The following IL32 variants were observed in gnomAD, a reference collection of about 807,000 sequenced individuals.
IL32 encodes interleukin 32, also known as interleukin-32.
In IL32, 30 loss-of-function variants were observed where a neutral mutation model predicts 16.6. The ratio of observed to expected loss-of-function variants is 1.81; its 90% confidence interval spans 1.35 to 2.45. The LOEUF is 2.45. Ranked by LOEUF, IL32 falls within the 30% of genes most tolerant of loss-of-function variation. The pLI, the probability that IL32 is intolerant of heterozygous loss-of-function variation, is 0.00. For synonymous variants in IL32, 70 were observed against 86.1 expected, an observed-to-expected ratio of 0.81 and a Z score of 1.03; for missense variants, 234 against 229.8, an observed-to-expected ratio of 1.02 and a Z score of -0.12.
rs1477821193 is a variant in IL32, at chr16:3,069,271, C to T, written c.483C>T (p.Ser161=). 1 of 1,614,238 alleles carries T rather than the reference C, an allele frequency of 6.2e-7. No individual in the cohort carries two copies. The highest frequency in any genetic ancestry group is 8.5e-7 in the Non-Finnish European group (1 of 1,180,048). ...GCTCTCTGTCAGAGCTCTTCATGTCCTCTTTCCAGTCCTACGGAGCCCCAC... is the reference window on the plus strand; with the variant it reads ...GCTCTCTGTCAGAGCTCTTCATGTCTTCTTTCCAGTCCTACGGAGCCCCAC... ...FCCSLSELFM[S]SFQSYGAPRG... is the part of the protein sequence containing the mutation. The change falls in exon 7 of 7, where the codon TCC becomes TCT. Residue 161 remains serine (S), a synonymous_variant. Coordinates refer to ENST00000525643, the MANE Select transcript of IL32 (RefSeq NM_001376923.1).
In IL32 at chr16:3,067,434, T is replaced by C. The variant is rs936563185; in HGVS notation, c.54+19T>C. On this transcript the variant is annotated intron_variant, in intron 3 of 6. Coordinates refer to ENST00000525643, the MANE Select transcript of IL32 (RefSeq NM_001376923.1). Reference sequence around the variant, plus strand: ...CCGAATGGTAATGCTCCTCCCTACTTCTGCTCAGGGGTTGGGGGCCTGGGT... The same window carrying C: ...CCGAATGGTAATGCTCCTCCCTACTCCTGCTCAGGGGTTGGGGGCCTGGGT... 23 of 1,605,384 alleles carry C rather than the reference T, an allele frequency of 1.4e-5. No individual in the cohort carries two copies. Among genetic ancestry groups the C allele is most frequent in the Non-Finnish European group, 2.0e-5 (23 of 1,175,294 alleles).
intron 2 of IL32, among the ~76,000 whole-genome samples, chr16:3,066,138 A>G (rs1449458341): frequency 2.0e-5 from 3 of 152,252 alleles, no homozygotes; most frequent in East Asian, 3.9e-4. Context: ...CTTCTCTCAG[A>G]GGCCGGCTCA....
chr16:3,068,052 T>C, intron 5 of IL32, 42 bp downstream of exon 5: 1 of 1,612,830 alleles, frequency 6.2e-7, no homozygotes, highest in Non-Finnish European at 8.5e-7. Context: ...AGTCCCTGGG[T>C]CTTAGGCTCC....
At chr16:3,068,074 G>A in intron 5 of IL32, 64 bp downstream of exon 5, 2 of 1,609,462 alleles carry the variant, frequency 1.2e-6, no homozygotes, top group Admixed American at 1.7e-5. Context: ...CAGGACACTG[G>A]GTCTGGGCCC....
At chr16:3,065,596 C>G, upstream of IL32, 1 of 657,468 alleles carries the variant, frequency 1.5e-6, no homozygotes, top group Non-Finnish European at 2.7e-6. Context: ...CCGCCCACTA[C>G]CCCCCACTTT....
upstream of IL32, chr16:3,065,522 T>G (rs1253391815): frequency 7.3e-6 from 4 of 550,598 alleles, no homozygotes; most frequent in Non-Finnish European, 1.3e-5. Flanking sequence ...TCTGTCTCTG[T>G]CTCTGTCTCT....
chr16:3,068,506 T>C, intron 6 of IL32: 1 of 483,010 alleles, frequency 2.1e-6, no homozygotes, highest in Non-Finnish European at 3.8e-6. Context: ...AGAGACCAGG[T>C]TTCACCATGT....
At position 3,067,364 on chromosome 16, in the gene IL32, G is replaced by A. The variant is rs377020176; in HGVS notation, c.16-13G>A. The A allele has an allele frequency of 8.1e-5, 122 of 1,505,612 alleles. No individual in the cohort carries two copies. The highest frequency in any genetic ancestry group is 5.3e-4 in the Middle Eastern group (3 of 5,616). The allele number at this position is 1,505,612 out of a possible 1,614,324, so 93.3% of individuals were successfully genotyped here. ...TGACACATGGAGACTGAGTGTCACC[G>A]TTATTTCCGCAGGTCCTCTCTGATG... On this transcript the variant is annotated splice_polypyrimidine_tract_variant and intron_variant, in intron 2 of 6. Coordinates refer to ENST00000525643, the MANE Select transcript of IL32 (RefSeq NM_001376923.1).
upstream of IL32, chr16:3,065,494 G>A (rs1352445986): frequency 2.0e-6 from 1 of 496,602 alleles, no homozygotes; most frequent in Non-Finnish European, 3.7e-6. Flanking sequence ...GTCTCTCTCG[G>A]GTAAGTCTCC....
intron 2 of IL32, among the ~76,000 whole-genome samples, chr16:3,066,958 G>A (rs1956387031): frequency 1.6e-5 from 2 of 125,382 alleles, no homozygotes; most frequent in Non-Finnish European, 3.4e-5. Flanking sequence ...CTAGGCCCAC[G>A]CAGGCCCTGC....
rs373456514 is a variant in IL32, at chr16:3,067,372, C to T, written c.16-5C>T. ...GGAGACTGAGTGTCACCGTTATTTCCGCAGGTCCTCTCTGATGACATGAAG... is the reference window on the plus strand; with the variant it reads ...GGAGACTGAGTGTCACCGTTATTTCTGCAGGTCCTCTCTGATGACATGAAG... On this transcript the variant is annotated splice_region_variant and splice_polypyrimidine_tract_variant and intron_variant, in intron 2 of 6. Transcript: ENST00000525643. The T allele has an allele frequency of 7.1e-5, 109 of 1,525,440 alleles. No individual in the cohort carries two copies. Among genetic ancestry groups the T allele is most frequent in the Non-Finnish European group, 8.7e-5 (99 of 1,133,610 alleles). 94.5% of individuals were successfully genotyped at this position (1,525,440 alleles called of 1,614,324 possible).
In IL32 at chr16:3,069,475, C is replaced by A. The variant is rs551467687; in HGVS notation, c.*120C>A. On this transcript the variant is annotated 3_prime_UTR_variant, in exon 7 of 7. Transcript: ENST00000525643. ...GTCCCCCTGCCTGGCGTTCCTGCCG[C>A]AGCTCTGACCTGGTGCTGTCGCCCT... is the stretch of plus-strand genomic sequence containing the variant. The A allele has an allele frequency of 6.6e-6, 8 of 1,211,854 alleles. No homozygotes were observed. Among genetic ancestry groups the A allele is most frequent in the Non-Finnish European group, 9.2e-6 (8 of 865,656 alleles). 75.1% of individuals were successfully genotyped at this position (1,211,854 alleles called of 1,614,324 possible). A position where few individuals can be genotyped will look rare whatever the true frequency, so the allele number is the denominator to read the frequency against.
At chr16:3,068,565 C>A (rs534731542) in intron 6 of IL32, 5 of 418,688 alleles carry the variant, frequency 1.2e-5, no homozygotes, top group Non-Finnish European at 2.2e-5. Flanking sequence ...TCTGCCTTGG[C>A]CTCCCAAAGT....
intron 4 of IL32, 35 bp downstream of exon 4, chr16:3,067,648 G>T: frequency 6.7e-7 from 1 of 1,486,940 alleles, no homozygotes. Flanking sequence ...CAGGTCACAT[G>T]TCCCCGCCCC....
chr16:3,067,401 C>A lies in IL32; in HGVS notation c.40C>A (p.Leu14Met). The A allele has an allele frequency of 6.4e-7, 1 of 1,564,686 alleles. No individual in the cohort carries two copies. Among genetic ancestry groups the A allele is most frequent in the South Asian group, 1.2e-5 (1 of 84,354 alleles). ...GGTCCTCTCTGATGACATGAAGAAG[C>A]TGAAGGCCCGAATGGTAATGCTCCT... ...PKVLSDDMKKLKARMHQAIER... is the reference protein window; with the variant it reads ...PKVLSDDMKKMKARMHQAIER... Residue 14 changes from leucine (L) to methionine (M), a missense_variant, in exon 3 of 7, where the codon CTG becomes ATG. Transcript: ENST00000525643.
In IL32 at chr16:3,069,504, A is replaced by T. The variant is rs1032687170; in HGVS notation, c.*149A>T. ...TCTGACCTGGTGCTGTCGCCCTGGC[A>T]TCTTAATAAAACCTGCTTATACTTC... On this transcript the variant is annotated 3_prime_UTR_variant, in exon 7 of 7. Transcript: ENST00000525643. The T allele has an allele frequency of 9.9e-7, 1 of 1,014,318 alleles. No individual in the cohort carries two copies. Among genetic ancestry groups the T allele is most frequent in the Admixed American group, 2.6e-5 (1 of 38,186 alleles). 62.8% of individuals were successfully genotyped at this position (1,014,318 alleles called of 1,614,324 possible). A position where few individuals can be genotyped will look rare whatever the true frequency, so the allele number is the denominator to read the frequency against.
chr16:3,066,181 G>A (rs1423085503), intron 2 of IL32, among the ~76,000 whole-genome samples: 2 of 152,152 alleles, frequency 1.3e-5, no homozygotes, highest in Admixed American at 1.3e-4. Flanking sequence ...GCCTGTGTGG[G>A]TCCTGGTGTC....
chr16:3,068,310 CTTTT>C, intron 6 of IL32, 71 bp downstream of exon 6: 3 of 1,381,418 alleles, frequency 2.2e-6, no homozygotes, highest in South Asian at 1.2e-5. Context: ...TTCTTTCTTT[CTTTT>C]TGTTTATTTG....
chr16:3,066,204 C>T (rs1956288022), intron 2 of IL32, among the ~76,000 whole-genome samples: 2 of 152,078 alleles, frequency 1.3e-5, no homozygotes, highest in Non-Finnish European at 2.9e-5. Context: ...TTCCTCCTTT[C>T]CTGGGTTCCC....
Sources: gnomAD v4.1 joint callset for allele counts (sites outside exome capture counted in the v4.1 genomes callset) on GRCh38, gnomAD v4.1.1 for gene constraint, MANE v1.5 for transcripts, NCBI Gene and HGNC (gene_info 2026-07-23, HGNC 2026-07-21) for gene names.